The following TBC1D1 variants were observed in gnomAD, a reference collection of about 807,000 sequenced individuals.
TBC1D1 encodes the protein TBC1 domain family member 1.
In TBC1D1, 89 loss-of-function variants were observed where a neutral mutation model predicts 125.6. That is an observed-to-expected ratio of 0.71 (90% confidence interval 0.60 to 0.85). TBC1D1 has a LOEUF of 0.85. TBC1D1 is among the 40% of genes least tolerant of loss of function. The probability of loss-of-function intolerance (pLI) is 0.00; values close to 1 mark genes in which losing one functional copy is unlikely to be tolerated. For missense variants in TBC1D1, 1,377 were observed against 1,469.2 expected (o/e 0.94, Z 1.03); for synonymous variants, 565 against 564.1 (o/e 1.00, Z -0.02).
At chr4:37,945,146 AC>A in intron 2 of TBC1D1, among the ~76,000 whole-genome samples, 1 of 152,258 alleles carries the variant, frequency 6.6e-6, no homozygotes, top group African/African-American at 2.4e-5. Context: ...TCAGGTTGTT[AC>A]AGGGCTGACC....
rs111482397 is a variant in TBC1D1 at position 38,049,650 on chromosome 4, C to T, written c.1662C>T (p.Pro554=). Residue 554 remains proline, a synonymous_variant, in exon 11 of 20, where the codon CCC becomes CCT. Coordinates refer to ENST00000261439, the MANE Select transcript of TBC1D1 (RefSeq NM_015173.4). ...CTGTGTGTGAAAAGGAGGCCTTGCC[C>T]ATCTCTGAGAGCTCCTTTAAGCTCC... 114 of 1,612,394 alleles carry T rather than the reference C, an allele frequency of 7.1e-5. No homozygotes were observed. Among genetic ancestry groups the T allele is most frequent in the African/African-American group, 3.5e-4 (26 of 74,996 alleles).
chr4:37,933,190 C>T (rs1360295983), intron 2 of TBC1D1, among the ~76,000 whole-genome samples: 1 of 152,054 alleles, frequency 6.6e-6, no homozygotes, highest in African/African-American at 2.4e-5. Context: ...TTCAGTTTTA[C>T]ACCCATATGC....
chr4:37,998,287 G>A (rs913665430), intron 2 of TBC1D1, among the ~76,000 whole-genome samples: 14 of 152,172 alleles, frequency 9.2e-5, no homozygotes, highest in African/African-American at 3.1e-4. Context: ...TCTTGAGGAC[G>A]AAGGCAGGTG....
chr4:38,084,742 T>C (rs1209107400), intron 12 of TBC1D1, among the ~76,000 whole-genome samples: 1 of 150,644 alleles, frequency 6.6e-6, no homozygotes, highest in Non-Finnish European at 1.5e-5. Flanking sequence ...TTTTTTCGCA[T>C]GGAGTTCAGA....
In TBC1D1 at chr4:37,972,420, G is replaced by A. The variant is rs532134130; in HGVS notation, c.418-42089G>A. ...CACTTGAACCCAGGAGGCGGAGGTT[G>A]TGGTTAGCTGAGATCGTGCCATTGC... On this transcript the variant is annotated intron_variant, in intron 2 of 19. Transcript: ENST00000261439. Among the ~76,000 whole-genome samples the A allele has an allele frequency of 2.7e-5, 4 of 149,702 alleles. No individual in the cohort carries two copies. In the East Asian group the frequency reaches 7.9e-4, roughly 30 times the overall value.
chr4:38,075,754 A>C (rs749220218), intron 12 of TBC1D1, among the ~76,000 whole-genome samples: 3 of 152,130 alleles, frequency 2.0e-5, no homozygotes, highest in Non-Finnish European at 4.4e-5. Flanking sequence ...ACTGGAGCCT[A>C]TAGTAGTTTA....
chr4:38,013,434 G>A (rs1741953013), intron 2 of TBC1D1, among the ~76,000 whole-genome samples: 1 of 152,204 alleles, frequency 6.6e-6, no homozygotes, highest in African/African-American at 2.4e-5. Context: ...CATAGGGCCT[G>A]TGGGTATTGG....
At chr4:37,923,888 C>T (rs1407164906) in intron 2 of TBC1D1, among the ~76,000 whole-genome samples, 1 of 152,096 alleles carries the variant, frequency 6.6e-6, no homozygotes, top group Non-Finnish European at 1.5e-5. Context: ...CCATGTTGGC[C>T]AGGCTAGTCT....
At chr4:38,017,286 A>C (rs1742955976) in intron 3 of TBC1D1, among the ~76,000 whole-genome samples, 1 of 152,252 alleles carries the variant, frequency 6.6e-6, no homozygotes. Context: ...GTTTACAAAT[A>C]AGGAGGATAT....
chr4:38,045,958 C>A, intron 10 of TBC1D1, 55 bp downstream of exon 10: 1 of 1,470,680 alleles, frequency 6.8e-7, no homozygotes, highest in Non-Finnish European at 9.5e-7. Context: ...ATAGGTCTTG[C>A]TCATCTCCTG....
intron 17 of TBC1D1, chr4:38,119,838 C>G (rs1042519005): frequency 8.0e-6 from 4 of 501,462 alleles, no homozygotes; most frequent in South Asian, 8.6e-5. Context: ...AAAATTCTAC[C>G]AAGGCAACCA....
At chr4:38,110,437 G>A (rs111841013) in intron 15 of TBC1D1, 5 of 985,406 alleles carry the variant, frequency 5.1e-6, no homozygotes, top group African/African-American at 1.7e-5. Context: ...AAGTGATAAA[G>A]AAGGAAAAGA....
chr4:38,110,345 G>C (rs1560810505), intron 15 of TBC1D1: 4 of 983,526 alleles, frequency 4.1e-6, no homozygotes, highest in East Asian at 2.3e-4. Flanking sequence ...TGATGCCTGG[G>C]ATGTGCAGGT....
intron 12 of TBC1D1, among the ~76,000 whole-genome samples, chr4:38,082,218 C>G (rs1046766350): frequency 1.3e-5 from 2 of 152,088 alleles, no homozygotes; most frequent in African/African-American, 4.8e-5. Flanking sequence ...AAAATAAGGG[C>G]GGGGTGGCGA....
chr4:37,934,261 C>T (rs926472250), intron 2 of TBC1D1, among the ~76,000 whole-genome samples: 3 of 152,132 alleles, frequency 2.0e-5, no homozygotes, highest in African/African-American at 7.2e-5. Context: ...GGGACCAAGG[C>T]CAGAAGCTCA....
At position 38,014,364 on chromosome 4, in the gene TBC1D1, C is replaced by CGTGGGCTCCTCCTCCA. The variant is rs1184474865; in HGVS notation, c.418-125_418-110dup. 1.4e-5 allele frequency: 10 copies of CGTGGGCTCCTCCTCCA among 692,090 alleles called. No individual in the cohort carries two copies. Among genetic ancestry groups the CGTGGGCTCCTCCTCCA allele is most frequent in the South Asian group, 5.4e-5 (3 of 56,014 alleles). The allele number at this position is 692,090 out of a possible 1,614,324, so 42.9% of individuals were successfully genotyped here. On this transcript the variant is annotated intron_variant, in intron 2 of 19. Coordinates refer to ENST00000261439, the MANE Select transcript of TBC1D1 (RefSeq NM_015173.4). The surrounding 1 kb of genome is among the most constrained non-coding windows in gnomAD (Gnocchi z 5.1). ...TGGGAAGACATTCCTAGTCCCCTCC[C>CGTGGGCTCCTCCTCCA]GTGGGCTCCTCCTCCAGTGGGCTCC...
At chr4:38,122,605 ACT>A (rs1477056782) in intron 17 of TBC1D1, among the ~76,000 whole-genome samples, 3 of 151,928 alleles carry the variant, frequency 2.0e-5, no homozygotes, top group Non-Finnish European at 2.9e-5. Context: ...CCTGGGCATA[ACT>A]CTACCGAACC....
chr4:37,935,554 A>G (rs1425965926), intron 2 of TBC1D1, among the ~76,000 whole-genome samples: 9 of 152,156 alleles, frequency 5.9e-5, no homozygotes, highest in Admixed American at 5.9e-4. Flanking sequence ...GTAACCCAAG[A>G]TACAGTATTT....
At chr4:37,953,430 T>C (rs1728296042) in intron 2 of TBC1D1, among the ~76,000 whole-genome samples, 1 of 152,240 alleles carries the variant, frequency 6.6e-6, no homozygotes, top group Non-Finnish European at 1.5e-5. Context: ...CCTGCTCCTG[T>C]AGTTTTTAAT....
Sources: gnomAD v4.1 joint callset for allele counts (sites outside exome capture counted in the v4.1 genomes callset) on GRCh38, gnomAD v4.1.1 for gene constraint, Gnocchi (gnomAD v3.1) non-coding constraint, MANE v1.5 for transcripts, NCBI Gene and HGNC (gene_info 2026-07-23, HGNC 2026-07-21) for gene names.